Variants in FSIP2 observed in about 807,000 individuals in gnomAD.
FSIP2 encodes the protein fibrous sheath interacting protein 2.
Under a neutral mutation model 510.5 loss-of-function variants are expected in FSIP2, and 367 were observed. That is an observed-to-expected ratio of 0.72 (90% CI 0.66 to 0.78). FSIP2 has a LOEUF of 0.78. Among genes scored for constraint, FSIP2 ranks in the 30% least tolerant of loss-of-function variants. The pLI, the probability that FSIP2 is intolerant of heterozygous loss-of-function variation, is 0.00. For synonymous variants in FSIP2, 2,601 were observed against 2,732.2 expected, an observed-to-expected ratio of 0.95 and a Z score of 1.50; for missense variants, 7,594 against 7,901.7, an observed-to-expected ratio of 0.96 and a Z score of 1.48.
chr2:185,785,118 A>G (rs1030564751), intron 14 of FSIP2, among the ~76,000 whole-genome samples: 1 of 152,106 alleles, frequency 6.6e-6, no homozygotes, highest in Admixed American at 6.6e-5. Flanking sequence ...TATAACATGA[A>G]GAAAACAGAA....
chr2:185,820,766 C>G (rs997906803), intron 19 of FSIP2, among the ~76,000 whole-genome samples: 1 of 151,108 alleles, frequency 6.6e-6, no homozygotes, highest in African/African-American at 2.4e-5. Flanking sequence ...AGGGAACTTA[C>G]CAAACTTCCC....
At chr2:185,753,450 G>A (rs1692186366) in intron 7 of FSIP2, among the ~76,000 whole-genome samples, 1 of 151,344 alleles carries the variant, frequency 6.6e-6, no homozygotes, top group Non-Finnish European at 1.5e-5. Context: ...AACTCACCAG[G>A]ACAGGTATGA....
intron 13 of FSIP2, among the ~76,000 whole-genome samples, chr2:185,771,620 C>T (rs1559018458): frequency 1.3e-5 from 2 of 152,176 alleles, no homozygotes; most frequent in African/African-American, 4.8e-5. Flanking sequence ...CCATTCTTTC[C>T]TCCTAGGCCT....
At chr2:185,737,681 G>GT (rs994876059), upstream of FSIP2, among the ~76,000 whole-genome samples, 62 of 151,156 alleles carry the variant, frequency 4.1e-4, no homozygotes, top group African/African-American at 9.7e-4. Context: ...AGAAGCCTTT[G>GT]TTTTTTTTTC....
intron 14 of FSIP2, 151 bp from the exon 15 acceptor site, chr2:185,786,101 G>A: frequency 1.7e-6 from 1 of 577,586 alleles, no homozygotes; most frequent in Admixed American, 2.9e-5. Flanking sequence ...TGAAATAGGG[G>A]GGTTGGAAAA....
In FSIP2 at chr2:185,802,725, C is replaced by T; in HGVS notation, c.13419C>T (p.Ile4473=). The T allele has an allele frequency of 6.6e-7, 1 of 1,521,296 alleles. No homozygotes were observed. Among genetic ancestry groups the T allele is most frequent in the Non-Finnish European group, 8.8e-7 (1 of 1,140,742 alleles). The allele number at this position is 1,521,296 out of a possible 1,614,324, so 94.2% of individuals were successfully genotyped here. ...LLPYTFLEDM[I]RVLLSKLFSS... ...CATACACATTTTTAGAAGATATGATCAGAGTACTATTATCTAAATTATTTT... is the reference window on the plus strand; with the variant it reads ...CATACACATTTTTAGAAGATATGATTAGAGTACTATTATCTAAATTATTTT... The change falls in exon 17 of 23, where the codon ATC becomes ATT. Residue 4473 remains isoleucine (I), a synonymous_variant. Transcript: ENST00000424728.
Position 185,789,525 on chromosome 2 carries a change from C to T in FSIP2, c.2389C>T (p.Leu797Phe). The T allele has an allele frequency of 6.5e-7, 1 of 1,534,662 alleles. No homozygotes were observed. The highest frequency in any genetic ancestry group is 8.7e-7 in the Non-Finnish European group (1 of 1,145,868). The change falls in exon 16 of 23, where the codon CTC (leucine) becomes TTC (phenylalanine). Residue 797 changes from leucine to phenylalanine, a missense_variant. By Grantham distance (22) the Leu-to-Phe change is conservative. Coordinates refer to ENST00000424728, the MANE Select transcript of FSIP2 (RefSeq NM_173651.4). ...AAGTTTAGCAGCCAGTGATGAACTT[C>T]TCACATCATCTAATGGAAAACCTTT... ...KPSLAASDEL[L>F]TSSNGKPLKN...
chr2:185,806,223 GACT>G lies in FSIP2; in HGVS notation c.16920_16922del (p.Thr5642del). 6.2e-7 allele frequency: 1 copy of G among 1,608,734 alleles called. No individual in the cohort carries two copies. Among genetic ancestry groups the G allele is most frequent in the East Asian group, 2.2e-5 (1 of 44,704 alleles). On this transcript the variant is annotated inframe_deletion, in exon 17 of 23. Coordinates refer to ENST00000424728, the MANE Select transcript of FSIP2 (RefSeq NM_173651.4). ...CCTTGAAGTCCAAGAGAAATCTAGG[GACT>G]ACAACAGATACTTTGGAAATAAGAA...
intron 7 of FSIP2, 83 bp downstream of exon 7, chr2:185,747,506 A>G: frequency 1.4e-6 from 1 of 696,486 alleles, no homozygotes; most frequent in Non-Finnish European, 2.5e-6. Context: ...TCACTTTGTG[A>G]GATGACTGTT....
At chr2:185,780,677 G>T (rs868393400) in intron 13 of FSIP2, among the ~76,000 whole-genome samples, 17 of 151,894 alleles carry the variant, frequency 1.1e-4, no homozygotes, top group Middle Eastern at 6.8e-3. Flanking sequence ...TTTTGTTTCT[G>T]TTAAAAGCCA....
intron 13 of FSIP2, chr2:185,766,027 G>C (rs1195488788): frequency 6.6e-6 from 1 of 151,608 alleles, no homozygotes. Context: ...TTGCTTATCA[G>C]CTTAAGGAGA....
Position 185,805,555 on chromosome 2 carries a change from C to T in FSIP2, c.16249C>T (p.Gln5417Ter), listed in dbSNP as rs1477760759. 1.9e-6 allele frequency: 3 copies of T among 1,611,054 alleles called. No homozygotes were observed. In the African/African-American group the frequency reaches 4.0e-5, roughly 22 times the overall value. Residue 5417 changes from glutamine to a stop codon, truncating the protein, a stop_gained, in exon 17 of 23, where the codon CAA becomes TAA. Coordinates refer to ENST00000424728, the MANE Select transcript of FSIP2 (RefSeq NM_173651.4). LOFTEE classifies it high-confidence loss of function. ...FSFLNPDNIT[Q>*]RVQHLPQNTF... is the part of the protein sequence containing the mutation. ...ATTTCTAAATCCAGATAATATCACC[C>T]AAAGGGTTCAACACCTACCACAAAA... is the stretch of plus-strand genomic sequence containing the variant.
chr2:185,746,286 C>A (rs1692031499), intron 5 of FSIP2, among the ~76,000 whole-genome samples: 1 of 105,416 alleles, frequency 9.5e-6, no homozygotes, highest in Admixed American at 8.9e-5. Context: ...TTCAAATGGA[C>A]TGTTTTTTTT....
Position 185,792,594 on chromosome 2 carries a change from C to G in FSIP2, c.5458C>G (p.Gln1820Glu), listed in dbSNP as rs1363051367. The change falls in exon 16 of 23, where the codon CAA (glutamine) becomes GAA (glutamate). Residue 1820 changes from glutamine to glutamate, a missense_variant. Transcript: ENST00000424728. ...TCACAATGTTGATGAGCCAACTCCC[C>G]AAACATCTGTTCAATTTATGGATAA... ...MPHNVDEPTP[Q>E]TSVQFMDKMM... The G allele has an allele frequency of 1.6e-5, 25 of 1,533,916 alleles. No homozygotes were observed. Among genetic ancestry groups the G allele is most frequent in the Admixed American group, 5.9e-5 (3 of 50,840 alleles).
chr2:185,806,167 A>T lies in FSIP2; in HGVS notation c.16861A>T (p.Lys5621Ter), dbSNP rs770391167. The T allele has an allele frequency of 6.3e-7, 1 of 1,583,316 alleles. No individual in the cohort carries two copies. Among genetic ancestry groups the T allele is most frequent in the African/African-American group, 1.4e-5 (1 of 72,950 alleles). Residue 5621 changes from lysine (K) to a stop codon, truncating the protein, a stop_gained, in exon 17 of 23, where the codon AAA (lysine) becomes TAA (stop). Transcript: ENST00000424728. LOFTEE classifies it high-confidence loss of function. ...KIDNARESSF[K>*]KDDKLFQLSS... ...TGACAATGCAAGGGAAAGCTCATTT[A>T]AAAAAGATGACAAGCTCTTTCAGTT... is the stretch of plus-strand genomic sequence containing the variant.
intron 21 of FSIP2, among the ~76,000 whole-genome samples, chr2:185,830,359 C>G (rs1049763416): frequency 1.3e-5 from 2 of 151,836 alleles, no homozygotes; most frequent in African/African-American, 4.8e-5. Context: ...TTTAACAATG[C>G]TCCATTAAGT....
Position 185,803,512 on chromosome 2 carries a change from G to C in FSIP2, c.14206G>C (p.Ala4736Pro), listed in dbSNP as rs1435640057. Residue 4736 changes from alanine (A) to proline (P), a missense_variant, in exon 17 of 23, where the codon GCT becomes CCT. Ala to Pro is a conservative substitution (Grantham distance 27, BLOSUM62 -1). Coordinates refer to ENST00000424728, the MANE Select transcript of FSIP2 (RefSeq NM_173651.4). ...TGCAAGAATAACTAATATCATCCTGGCTGAAATTTTTGATTTCCAAATTCA... is the reference window on the plus strand; with the variant it reads ...TGCAAGAATAACTAATATCATCCTGCCTGAAATTTTTGATTTCCAAATTCA... ...LAARITNIILAEIFDFQIHPD... is the reference protein window; with the variant it reads ...LAARITNIILPEIFDFQIHPD... The C allele has an allele frequency of 1.3e-6, 2 of 1,532,596 alleles. No individual in the cohort carries two copies. The highest frequency in any genetic ancestry group is 2.0e-5 in the Admixed American group (1 of 50,708). 94.9% of individuals were successfully genotyped at this position (1,532,596 alleles called of 1,614,324 possible).
At position 185,763,301 on chromosome 2, in the gene FSIP2, T is replaced by C; in HGVS notation, c.1347+12T>C. On this transcript the variant is annotated intron_variant, in intron 12 of 22. Coordinates refer to ENST00000424728, the MANE Select transcript of FSIP2 (RefSeq NM_173651.4). The stretch of plus-strand genomic sequence containing the variant: ...CTTCAAAAGAAGAGGTATATAACAG[T>C]TCTTTTACCCCAAATACAAACACAA... 1 of 1,039,166 alleles carries C rather than the reference T, an allele frequency of 9.6e-7. No individual in the cohort carries two copies. The allele number at this position is 1,039,166 out of a possible 1,614,324, so 64.4% of individuals were successfully genotyped here.
intron 17 of FSIP2, among the ~76,000 whole-genome samples, chr2:185,811,995 A>G (rs58798964): frequency 0.54 from 82,767 of 151,964 alleles, 22,790 homozygotes; most frequent in South Asian, 0.64. Context: ...CTACCGGTAA[A>G]TACAGAGGGG....
Sources: allele counts gnomAD v4.1 joint callset (sites outside exome capture counted in the v4.1 genomes callset), GRCh38; gene constraint gnomAD v4.1.1; transcripts MANE v1.5; gene names NCBI Gene and HGNC (gene_info 2026-07-23, HGNC 2026-07-21).